MECOM: variants seen among roughly 807,000 people sequenced by gnomAD.
MECOM encodes MDS1 and EVI1 complex locus.
Under a neutral mutation model 116.3 loss-of-function variants are expected in MECOM, and 13 were observed. The observed-to-expected ratio is 0.11, with a 90% CI of 0.07 to 0.18. The LOEUF (loss-of-function observed/expected upper bound fraction) is 0.18, where lower values mean the gene tolerates loss of function less well. MECOM is among the 10% of genes least tolerant of loss of function. The pLI, the probability that MECOM is intolerant of heterozygous loss-of-function variation, is 1.00. For synonymous variants in MECOM, 528 were observed against 535.2 expected (o/e 0.99, Z 0.19); for missense variants, 1,299 against 1,509.0 (o/e 0.86, Z 2.31).
rs535406368 is a variant in MECOM, at chr3:169,453,640, A to G, written c.38-72116T>C. ...TATTCTGCATAAACACGGGCACTTCATATTATTAAGGAGTCTATAATGCCG... is the reference window on the plus strand; with the variant it reads ...TATTCTGCATAAACACGGGCACTTCGTATTATTAAGGAGTCTATAATGCCG... On this transcript the variant is annotated intron_variant, in intron 1 of 16. Transcript: ENST00000651503. 1.1e-3 allele frequency among the ~76,000 whole-genome samples: 161 copies of G among 152,328 alleles called. 1 individual carries two copies. The highest frequency in any genetic ancestry group is 3.7e-3 in the African/African-American group (154 of 41,574).
chr3:169,297,807 T>C (rs1470327656), intron 2 of MECOM, among the ~76,000 whole-genome samples: 1 of 152,202 alleles, frequency 6.6e-6, no homozygotes, highest in Non-Finnish European at 1.5e-5. Context: ...ATGTGCAAAC[T>C]TTCAGGAGAG....
intron 1 of MECOM, among the ~76,000 whole-genome samples, chr3:169,548,301 A>C (rs1445118116): frequency 6.6e-6 from 1 of 152,212 alleles, no homozygotes; most frequent in Non-Finnish European, 1.5e-5. Context: ...CTATTTACTT[A>C]ATTCAGGAAG....
At chr3:169,367,824 A>ATGCTG (rs1231710812) in intron 2 of MECOM, among the ~76,000 whole-genome samples, 2 of 148,654 alleles carry the variant, frequency 1.3e-5, no homozygotes, top group Admixed American at 1.4e-4. Flanking sequence ...ATTGTTCTTG[A>ATGCTG]AGCTGATTGT....
At chr3:169,602,654 A>T (rs1333057575) in intron 1 of MECOM, among the ~76,000 whole-genome samples, 3 of 152,340 alleles carry the variant, frequency 2.0e-5, no homozygotes, top group African/African-American at 7.2e-5. Flanking sequence ...GAGAAAAATC[A>T]TCTCTGGTTG....
chr3:169,249,807 C>G (rs1328816671), intron 2 of MECOM, among the ~76,000 whole-genome samples: 1 of 152,124 alleles, frequency 6.6e-6, no homozygotes, highest in African/African-American at 2.4e-5. Flanking sequence ...AGGTGGCCCT[C>G]AGGGGTTACT....
intron 1 of MECOM, among the ~76,000 whole-genome samples, chr3:169,425,822 T>A (rs989621237): frequency 2.0e-5 from 3 of 152,198 alleles, no homozygotes; most frequent in African/African-American, 7.2e-5. Flanking sequence ...TGCAGCCATA[T>A]GTTGAAGAAG....
chr3:169,341,451 C>T (rs1470518372), intron 2 of MECOM, among the ~76,000 whole-genome samples: 1 of 134,738 alleles, frequency 7.4e-6, no homozygotes, highest in African/African-American at 2.8e-5. Context: ...AAAAAAAAAA[C>T]ACAGAAGGGG....
At chr3:169,302,157 A>G (rs1716842299) in intron 2 of MECOM, among the ~76,000 whole-genome samples, 1 of 152,224 alleles carries the variant, frequency 6.6e-6, no homozygotes, top group South Asian at 2.1e-4. Flanking sequence ...GAACTTGAAT[A>G]TATACAATCT....
At chr3:169,087,101 A>C (rs115976568) in intron 16 of MECOM, among the ~76,000 whole-genome samples, 1,715 of 152,338 alleles carry the variant, frequency 0.011, 13 homozygotes, top group South Asian at 0.031. Context: ...AGTGTTTCTT[A>C]TAACAGTAAC....
chr3:169,429,594 C>T (rs912484447), intron 1 of MECOM, among the ~76,000 whole-genome samples: 20 of 152,288 alleles, frequency 1.3e-4, no homozygotes, highest in Admixed American at 3.9e-4. Flanking sequence ...AGGGAGAAAA[C>T]ATCTTGAAAA....
intron 1 of MECOM, among the ~76,000 whole-genome samples, chr3:169,634,791 C>A (rs1001510865): frequency 6.6e-6 from 1 of 152,032 alleles, no homozygotes; most frequent in African/African-American, 2.4e-5. Flanking sequence ...TAGACACACC[C>A]AGCTCTTGGC....
intron 1 of MECOM, among the ~76,000 whole-genome samples, chr3:169,516,827 A>G (rs953293259): frequency 6.6e-6 from 1 of 152,238 alleles, no homozygotes; most frequent in African/African-American, 2.4e-5. Flanking sequence ...GCAGACCCAC[A>G]GAGGAAAACG....
chr3:169,150,238 G>A (rs1216817218), intron 2 of MECOM, among the ~76,000 whole-genome samples: 1 of 152,170 alleles, frequency 6.6e-6, no homozygotes, highest in Non-Finnish European at 1.5e-5. Flanking sequence ...ATAAGTGAAT[G>A]AAACAGGAAA....
At chr3:169,188,663 T>A (rs1198794569) in intron 2 of MECOM, among the ~76,000 whole-genome samples, 1 of 152,116 alleles carries the variant, frequency 6.6e-6, no homozygotes, top group African/African-American at 2.4e-5. Context: ...CTGCCATGAC[T>A]CTGCCATTGT....
chr3:169,391,161 A>G (rs1240384955), intron 1 of MECOM, among the ~76,000 whole-genome samples: 1 of 152,220 alleles, frequency 6.6e-6, no homozygotes, highest in African/African-American at 2.4e-5. Context: ...ATGAGCGAGC[A>G]ATAGAACACT....
chr3:169,321,234 A>G (rs550053279), intron 2 of MECOM, among the ~76,000 whole-genome samples: 1 of 152,374 alleles, frequency 6.6e-6, no homozygotes, highest in South Asian at 2.1e-4. Flanking sequence ...ATGGATAGGA[A>G]AAGTGCTGTT....
intron 2 of MECOM, among the ~76,000 whole-genome samples, chr3:169,272,898 T>C (rs1759123021): frequency 6.6e-6 from 1 of 152,082 alleles, no homozygotes; most frequent in African/African-American, 2.4e-5. Context: ...TCACCACATC[T>C]GGTGAGGGCA....
At chr3:169,443,629 A>G (rs1744114142) in intron 1 of MECOM, among the ~76,000 whole-genome samples, 1 of 152,128 alleles carries the variant, frequency 6.6e-6, no homozygotes. Context: ...AACAGCCTCC[A>G]TCTTATCCAA....
chr3:169,179,902 C>G (rs1021738532), intron 2 of MECOM, among the ~76,000 whole-genome samples: 1 of 152,166 alleles, frequency 6.6e-6, no homozygotes, highest in African/African-American at 2.4e-5. Context: ...GTCCCCTCCC[C>G]CAGGACTCCC....
Sources: allele counts gnomAD v4.1 joint callset (sites outside exome capture counted in the v4.1 genomes callset), GRCh38; gene constraint gnomAD v4.1.1; transcripts MANE v1.5; gene names NCBI Gene and HGNC (gene_info 2026-07-23, HGNC 2026-07-21).